The following SDR42E1 variants were observed in gnomAD, a reference collection of about 807,000 sequenced individuals.
SDR42E1 encodes the protein short-chain dehydrogenase/reductase family 42E member 1.
SDR42E1 carries 5 observed loss-of-function variants against 2.6 expected under a neutral mutation model. The observed-to-expected ratio is 1.94, with a 90% CI of 1.01 to 4.08. SDR42E1 has a LOEUF of 4.08. Ranked by LOEUF, SDR42E1 falls within the 30% of genes most tolerant of loss-of-function variation. SDR42E1 has a pLI of 0.00. For missense variants in SDR42E1, 596 were observed against 478.6 expected, an observed-to-expected ratio of 1.25 and a Z score of -2.29; for synonymous variants, 231 against 188.3, an observed-to-expected ratio of 1.23 and a Z score of -1.86.
At chr16:82,010,923 T>C (rs991468555) in intron 1 of SDR42E1, among the ~76,000 whole-genome samples, 4 of 152,252 alleles carry the variant, frequency 2.6e-5, no homozygotes, top group African/African-American at 9.6e-5. Context: ...TCTGGTATTA[T>C]GACTAGCCTA....
rs1419907095 is a variant in SDR42E1 at position 82,011,411 on chromosome 16, G to T, written c.-51C>A. On this transcript the variant is annotated 5_prime_UTR_variant, in exon 1 of 3. It adds an upstream start codon to the 5' untranslated region. Coordinates refer to ENST00000328945, the MANE Select transcript of SDR42E1 (RefSeq NM_145168.3). ...CAGCTGCAGGAACAAGGGCGCGGCA[G>T]ACGGCTACAGCAGGCAGAGAGGCCC... 6.6e-6 allele frequency: 1 copy of T among 152,612 alleles called. No homozygotes were observed. The highest frequency in any genetic ancestry group is 2.4e-5 in the African/African-American group (1 of 41,452). 9.5% of individuals were successfully genotyped at this position (152,612 alleles called of 1,614,324 possible).
intron 1 of SDR42E1, among the ~76,000 whole-genome samples, chr16:82,010,006 C>G (rs879684203): frequency 6.6e-6 from 1 of 152,252 alleles, no homozygotes; most frequent in Non-Finnish European, 1.5e-5. Flanking sequence ...TTCCCCTACA[C>G]AAGCTCTCTT....
In SDR42E1 at chr16:82,001,961, T is replaced by TACACACACACACAC. The variant is rs375862551; in HGVS notation, c.-26-1091_-26-1078dup. Among the ~76,000 whole-genome samples, 474 of 137,262 alleles carry TACACACACACACAC rather than the reference T, an allele frequency of 3.5e-3. 4 individuals carry two copies. Among genetic ancestry groups the TACACACACACACAC allele is most frequent in the African/African-American group, 0.012 (445 of 36,498 alleles). 90.0% of individuals were successfully genotyped at this position (137,262 alleles called of 152,430 possible). A position where few individuals can be genotyped will look rare whatever the true frequency, so the allele number is the denominator to read the frequency against. On this transcript the variant is annotated intron_variant, in intron 1 of 2. Transcript: ENST00000328945. ...GGTCCTCAAAGGCACTGGGTGCGTA[T>TACACACACACACAC]ACACACACACACACACACACACACA... is the stretch of plus-strand genomic sequence containing the variant.
At position 81,999,559 on chromosome 16, in the gene SDR42E1, T is replaced by C; in HGVS notation, c.734A>G (p.His245Arg). The change falls in exon 3 of 3, where the codon CAT becomes CGT. Residue 245 changes from histidine (H) to arginine (R), a missense_variant. Transcript: ENST00000328945. The stretch of plus-strand genomic sequence containing the variant: ...GAAGTAGGGCTGCCCAGAGGCAATA[T>C]GGCCCTTGTCAGCTCTCAGGGCTTC... ...ASEALRADKGHIASGQPYFIS... is the reference protein window; with the variant it reads ...ASEALRADKGRIASGQPYFIS... 1 of 1,614,156 alleles carries C rather than the reference T, an allele frequency of 6.2e-7. No individual in the cohort carries two copies. Among genetic ancestry groups the C allele is most frequent in the Non-Finnish European group, 8.5e-7 (1 of 1,180,034 alleles).
At position 81,998,852 on chromosome 16, in the gene SDR42E1, A is replaced by T. The variant is rs1912621516; in HGVS notation, c.*259T>A. 2 of 467,102 alleles carry T rather than the reference A, an allele frequency of 4.3e-6. No homozygotes were observed. Among genetic ancestry groups the T allele is most frequent in the East Asian group, 7.7e-5 (2 of 26,028 alleles). The allele number at this position is 467,102 out of a possible 1,614,324, so 28.9% of individuals were successfully genotyped here. A position where few individuals can be genotyped will look rare whatever the true frequency, so the allele number is the denominator to read the frequency against. The stretch of plus-strand genomic sequence containing the variant: ...AACTAAGCCTACTTCTATGGCTCCA[A>T]ACTGACTTCTATTGTACCCACCTAA... On this transcript the variant is annotated 3_prime_UTR_variant, in exon 3 of 3. Transcript: ENST00000328945.
chr16:82,000,130 G>C lies in SDR42E1; in HGVS notation c.163C>G (p.Gln55Glu), dbSNP rs748778179. The part of the protein sequence containing the change: ...QTIPEGIKFI[Q>E]GDIRHLSDVE... ...TCAGACAGGTGGCGGATGTCTCCTT[G>C]TATAAACTTGATTCCTTCTGGAATG... Residue 55 changes from glutamine to glutamate, a missense_variant, in exon 3 of 3, where the codon CAA becomes GAA. Transcript: ENST00000328945. The C allele has an allele frequency of 2.8e-5, 46 of 1,614,080 alleles. No homozygotes were observed. Among genetic ancestry groups the C allele is most frequent in the Admixed American group, 1.3e-4 (8 of 60,006 alleles).
intron 2 of SDR42E1, 81 bp from the exon 3 acceptor site, chr16:82,000,305 C>T (rs1947839820): frequency 6.5e-7 from 1 of 1,546,918 alleles, no homozygotes; most frequent in Non-Finnish European, 8.8e-7. Flanking sequence ...ATTTACCAAT[C>T]AAGGTGGGGC....
chr16:82,006,464 GAATTC>G (rs1912938156), intron 1 of SDR42E1, among the ~76,000 whole-genome samples: 1 of 152,198 alleles, frequency 6.6e-6, no homozygotes, highest in South Asian at 2.1e-4. Flanking sequence ...ATAAGGAGAA[GAATTC>G]TGATACAGAT....
At chr16:82,008,683 G>C (rs1476994668) in intron 1 of SDR42E1, among the ~76,000 whole-genome samples, 2 of 152,212 alleles carry the variant, frequency 1.3e-5, no homozygotes, top group Non-Finnish European at 2.9e-5. Context: ...AGGAAGCAGA[G>C]TGTAGGTTTG....
Position 82,000,069 on chromosome 16 carries a change from C to A in SDR42E1, c.224G>T (p.Cys75Phe). Reference sequence around the variant, plus strand: ...ACCATAAGAGGCAATATGGAACACACAAGTGACGTCTGCATCCTGGAAGGC... The same window carrying A: ...ACCATAAGAGGCAATATGGAACACAAAAGTGACGTCTGCATCCTGGAAGGC... ...EKAFQDADVTCVFHIASYGMS... is the reference protein window; with the variant it reads ...EKAFQDADVTFVFHIASYGMS... Residue 75 changes from cysteine (C) to phenylalanine (F), a missense_variant, in exon 3 of 3, where the codon TGT becomes TTT. Cys to Phe is a radical substitution (Grantham distance 205, BLOSUM62 -2). Coordinates refer to ENST00000328945, the MANE Select transcript of SDR42E1 (RefSeq NM_145168.3). The A allele has an allele frequency of 6.8e-6, 11 of 1,614,220 alleles. No homozygotes were observed. The highest frequency in any genetic ancestry group is 9.3e-6 in the Non-Finnish European group (11 of 1,180,044).
At chr16:82,009,403 A>G (rs1913052755) in intron 1 of SDR42E1, among the ~76,000 whole-genome samples, 1 of 152,198 alleles carries the variant, frequency 6.6e-6, no homozygotes, top group South Asian at 2.1e-4. Context: ...TACCCTGCAA[A>G]ACCACAAGGG....
rs764488405 is a variant in SDR42E1, at chr16:81,998,970, G to T, written c.*141C>A. The T allele has an allele frequency of 4.9e-6, 4 of 816,030 alleles. No homozygotes were observed. Among genetic ancestry groups the T allele is most frequent in the Non-Finnish European group, 7.5e-6 (4 of 532,684 alleles). 50.5% of individuals were successfully genotyped at this position (816,030 alleles called of 1,614,324 possible). A position where few individuals can be genotyped will look rare whatever the true frequency, so the allele number is the denominator to read the frequency against. On this transcript the variant is annotated 3_prime_UTR_variant, in exon 3 of 3. Transcript: ENST00000328945. ...TTAGTGCAAGGAAATAAGACATAAA[G>T]ATTCAATCCAAGAACCTATTCTTAA...
chr16:81,989,641 G>A lies in SDR42E1; in HGVS notation c.*9470C>T, dbSNP rs1462653782. Reference sequence around the variant, plus strand: ...ATGCCTACTTGTTCTCTAGCATGGTGTAATTGACTCTGCAATCTCAAGAAA... The same window carrying A: ...ATGCCTACTTGTTCTCTAGCATGGTATAATTGACTCTGCAATCTCAAGAAA... On this transcript the variant is annotated 3_prime_UTR_variant, in exon 3 of 3. Coordinates refer to ENST00000328945, the MANE Select transcript of SDR42E1 (RefSeq NM_145168.3). 6.6e-6 allele frequency: 1 copy of A among 152,142 alleles called. No homozygotes were observed. Among genetic ancestry groups the A allele is most frequent in the Non-Finnish European group, 1.5e-5 (1 of 68,018 alleles). The allele number at this position is 152,142 out of a possible 1,614,324, so 9.4% of individuals were successfully genotyped here.
chr16:82,008,979 G>C (rs1913038470), intron 1 of SDR42E1, among the ~76,000 whole-genome samples: 1 of 152,216 alleles, frequency 6.6e-6, no homozygotes, highest in Non-Finnish European at 1.5e-5. Context: ...TCCAGCTGTG[G>C]CTAAAACGGG....
At chr16:82,000,712 T>C in intron 2 of SDR42E1, 79 bp downstream of exon 2, 1 of 1,037,134 alleles carries the variant, frequency 9.6e-7, no homozygotes, top group Non-Finnish European at 1.5e-6. Flanking sequence ...AGTAAAAGTC[T>C]GCTCTGCTGT....
Position 81,999,142 on chromosome 16 carries a change from C to A in SDR42E1, c.1151G>T (p.Trp384Leu). 1.9e-6 allele frequency: 3 copies of A among 1,614,064 alleles called. No individual in the cohort carries two copies. Among genetic ancestry groups the A allele is most frequent in the Non-Finnish European group, 2.5e-6 (3 of 1,179,988 alleles). The part of the protein sequence containing the change: ...VFLLIIAVLM[W>L]LPSSVILSL The stretch of plus-strand genomic sequence containing the variant: ...TGACAGAATCACAGAAGAAGGCAGC[C>A]ACATGAGAACTGCTATAATCAGGAG... The change falls in exon 3 of 3, where the codon TGG (tryptophan) becomes TTG (leucine). Residue 384 changes from tryptophan (W) to leucine (L), a missense_variant. Trp to Leu is a moderately conservative substitution (Grantham distance 61). Coordinates refer to ENST00000328945, the MANE Select transcript of SDR42E1 (RefSeq NM_145168.3).
In SDR42E1 at chr16:81,998,786, A is replaced by G. The variant is rs973296334; in HGVS notation, c.*325T>C. The stretch of plus-strand genomic sequence containing the variant: ...GACTGCATAAAATGGAAATAAGTAT[A>G]TCTTGCCCTCTCAGAAATTCAAGAT... On this transcript the variant is annotated 3_prime_UTR_variant, in exon 3 of 3. Transcript: ENST00000328945. 10 of 307,738 alleles carry G rather than the reference A, an allele frequency of 3.2e-5. No homozygotes were observed. Among genetic ancestry groups the G allele is most frequent in the African/African-American group, 2.2e-4 (10 of 45,624 alleles). 19.1% of individuals were successfully genotyped at this position (307,738 alleles called of 1,614,324 possible).
chr16:82,010,351 C>G (rs922121988), intron 1 of SDR42E1, among the ~76,000 whole-genome samples: 11 of 152,130 alleles, frequency 7.2e-5, no homozygotes, highest in African/African-American at 9.7e-5. Context: ...GACTTGAAGC[C>G]GGGTCTGTAT....
In SDR42E1 at chr16:81,991,703, C is replaced by G. The variant is rs1226777162; in HGVS notation, c.*7408G>C. On this transcript the variant is annotated 3_prime_UTR_variant, in exon 3 of 3. Transcript: ENST00000328945. Reference sequence around the variant, plus strand: ...TCTAGCCTGGGTGACAGACGAGACTCTATCAAAAAAAAAAAAAAAAAAATT... The same window carrying G: ...TCTAGCCTGGGTGACAGACGAGACTGTATCAAAAAAAAAAAAAAAAAAATT... 1 of 129,034 alleles carries G rather than the reference C, an allele frequency of 7.7e-6. No individual in the cohort carries two copies. Among genetic ancestry groups the G allele is most frequent in the Non-Finnish European group, 1.5e-5 (1 of 65,352 alleles). 8.0% of individuals were successfully genotyped at this position (129,034 alleles called of 1,614,324 possible).
Sources: gnomAD v4.1 joint callset for allele counts (sites outside exome capture counted in the v4.1 genomes callset) on GRCh38, gnomAD v4.1.1 for gene constraint, MANE v1.5 for transcripts, NCBI Gene and HGNC (gene_info 2026-07-23, HGNC 2026-07-21) for gene names.